Variants in PRKG1 observed in about 807,000 individuals in gnomAD.
The protein encoded by PRKG1 is protein kinase cGMP-dependent 1.
Under a neutral mutation model 88.1 loss-of-function variants are expected in PRKG1, and 35 were observed. The observed-to-expected ratio is 0.40, with a 90% CI of 0.30 to 0.53. The LOEUF is 0.53. Ranked by LOEUF, PRKG1 falls within the 20% of genes least tolerant of loss-of-function variation. The pLI, the probability that PRKG1 is intolerant of heterozygous loss-of-function variation, is 0.59. For missense variants in PRKG1, 540 were observed against 839.8 expected (o/e 0.64, Z 4.41); for synonymous variants, 303 against 292.5 (o/e 1.04, Z -0.37).
chr10:51,385,207 C>T (rs1275966989), intron 2 of PRKG1, among the ~76,000 whole-genome samples: 2 of 152,118 alleles, frequency 1.3e-5, no homozygotes, highest in Non-Finnish European at 2.9e-5. Flanking sequence ...TAATGGTGCT[C>T]TGGTTGACAA....
intron 1 of PRKG1, among the ~76,000 whole-genome samples, chr10:51,056,977 C>A (rs1843632941): frequency 6.6e-6 from 1 of 152,160 alleles, no homozygotes; most frequent in Non-Finnish European, 1.5e-5. Flanking sequence ...GTTCTTAAGA[C>A]ATATTTCTAC....
At chr10:51,843,720 G>A (rs1323802297) in intron 4 of PRKG1, among the ~76,000 whole-genome samples, 1 of 152,064 alleles carries the variant, frequency 6.6e-6, no homozygotes, top group Non-Finnish European at 1.5e-5. Context: ...CTTAACTTGT[G>A]ATCCTACTTG....
At chr10:51,434,172 AGAGT>A (rs1288317487) in intron 2 of PRKG1, among the ~76,000 whole-genome samples, 1 of 152,072 alleles carries the variant, frequency 6.6e-6, no homozygotes, top group African/African-American at 2.4e-5. Flanking sequence ...CAGCCATAGC[AGAGT>A]GTGTTTTTGG....
intron 1 of PRKG1, among the ~76,000 whole-genome samples, chr10:51,144,230 G>C (rs917307141): frequency 1.3e-5 from 2 of 151,978 alleles, no homozygotes; most frequent in African/African-American, 4.8e-5. Context: ...TAAATGAGTG[G>C]AACATTTGCT....
intron 2 of PRKG1, among the ~76,000 whole-genome samples, chr10:51,181,977 G>A (rs939689551): frequency 6.6e-6 from 1 of 152,176 alleles, no homozygotes; most frequent in African/African-American, 2.4e-5. Context: ...TGCACAGTTG[G>A]AACAACATTT....
In PRKG1 at chr10:51,958,527, A is replaced by T. The variant is rs1843367972; in HGVS notation, c.762+50957A>T. The stretch of plus-strand genomic sequence containing the variant: ...ATGATCTTCAAGTATTTCAAGGAAT[A>T]GGTCGTCCATTGTTGTTCCTTTTTT... On this transcript the variant is annotated intron_variant, in intron 5 of 17. Transcript: ENST00000373980. Among the ~76,000 whole-genome samples, 4 of 141,634 alleles carry T rather than the reference A, an allele frequency of 2.8e-5. 1 individual carries two copies. The South Asian group carries it at 9.4e-4, about 33-fold the overall frequency. 92.9% of individuals were successfully genotyped at this position (141,634 alleles called of 152,430 possible).
intron 2 of PRKG1, among the ~76,000 whole-genome samples, chr10:51,325,952 A>G (rs1841581638): frequency 6.6e-6 from 1 of 152,148 alleles, no homozygotes; most frequent in African/African-American, 2.4e-5. Context: ...TGGTTTTAGA[A>G]AAGAGAGGGA....
chr10:52,166,880 T>TACAC (rs143459696), intron 9 of PRKG1, among the ~76,000 whole-genome samples: 5,574 of 121,828 alleles, frequency 0.046, 132 homozygotes, highest in Non-Finnish European at 0.054. Flanking sequence ...TGTGTATGTA[T>TACAC]ACACACACAC....
chr10:51,937,450 A>G lies in PRKG1; in HGVS notation c.762+29880A>G, dbSNP rs76950774. Among the ~76,000 whole-genome samples, 650 of 152,138 alleles carry G rather than the reference A, an allele frequency of 4.3e-3. 6 individuals are homozygous for G. Among genetic ancestry groups the G allele is most frequent in the African/African-American group, 0.015 (620 of 41,546 alleles). ...GCTCTCAGAAAGAGCATATTGAAAC[A>G]GGCCATGGTTTGTAAATCTTGGCAG... On this transcript the variant is annotated intron_variant, in intron 5 of 17. Transcript: ENST00000373980.
intron 1 of PRKG1, among the ~76,000 whole-genome samples, chr10:51,041,795 T>C (rs1843427783): frequency 6.6e-6 from 1 of 152,206 alleles, no homozygotes. Context: ...TGAGGAGTGG[T>C]GTAACCTATC....
At chr10:51,955,813 T>A (rs1424952239) in intron 5 of PRKG1, among the ~76,000 whole-genome samples, 2 of 152,148 alleles carry the variant, frequency 1.3e-5, no homozygotes, top group African/African-American at 4.8e-5. Context: ...TTTTTGTTTG[T>A]TTGTTTTCTT....
chr10:52,269,086 CTG>C (rs1324430385), intron 10 of PRKG1, among the ~76,000 whole-genome samples: 2 of 151,872 alleles, frequency 1.3e-5, no homozygotes, highest in African/African-American at 2.4e-5. Context: ...ATCTGTGTAT[CTG>C]TGTTATCATC....
chr10:52,168,919 CA>C (rs1328419326), intron 9 of PRKG1, among the ~76,000 whole-genome samples: 1 of 152,060 alleles, frequency 6.6e-6, no homozygotes, highest in Non-Finnish European at 1.5e-5. Context: ...GATTTTTTGA[CA>C]GTTTAAATGA....
At chr10:51,368,741 T>C (rs1842640240) in intron 2 of PRKG1, among the ~76,000 whole-genome samples, 2 of 152,040 alleles carry the variant, frequency 1.3e-5, no homozygotes. Flanking sequence ...GAAAACAATA[T>C]GTATCAGAAA....
chr10:51,804,324 G>T (rs746657678), intron 3 of PRKG1, among the ~76,000 whole-genome samples: 1 of 151,988 alleles, frequency 6.6e-6, no homozygotes, highest in African/African-American at 2.4e-5. Flanking sequence ...ACCCCCAAGG[G>T]TCATAGAGCA....
rs111417107 is a variant in PRKG1, at chr10:50,991,227, A to G, written c.-152A>G. 0.013 allele frequency: 15,212 copies of G among 1,162,506 alleles called. 239 individuals are homozygous for G. Among genetic ancestry groups the G allele is most frequent in the African/African-American group, 0.042 (2,476 of 59,448 alleles). 72.0% of individuals were successfully genotyped at this position (1,162,506 alleles called of 1,614,324 possible). On this transcript the variant is annotated 5_prime_UTR_variant, in exon 1 of 18. Coordinates refer to the PRKG1 transcript ENST00000401604. This position sits in a 1 kb window ranked among gnomAD's most constrained non-coding sequence, Gnocchi z 4.5. ...CGAAGCAGGAGGCTCCCCGCGCCGC[A>G]TTAGGGGCGCACTCCGCCGCGCTCG... is the stretch of plus-strand genomic sequence containing the variant.
chr10:51,753,865 G>A (rs962762039), intron 3 of PRKG1, among the ~76,000 whole-genome samples: 2 of 152,032 alleles, frequency 1.3e-5, no homozygotes, highest in African/African-American at 4.8e-5. Flanking sequence ...GCATGATAAG[G>A]TCTCTTTTTC....
At chr10:51,840,271 A>AT (rs371466058) in intron 4 of PRKG1, among the ~76,000 whole-genome samples, 123 of 149,764 alleles carry the variant, frequency 8.2e-4, no homozygotes, top group African/African-American at 2.8e-3. Context: ...AAGCTATTTG[A>AT]TTTTTTTTTT....
intron 2 of PRKG1, among the ~76,000 whole-genome samples, chr10:51,251,250 C>T (rs1009752534): frequency 6.6e-6 from 1 of 151,782 alleles, no homozygotes. Flanking sequence ...TTGGCAAGGA[C>T]ATCTGCAAGT....
Sources: allele counts gnomAD v4.1 joint callset (sites outside exome capture counted in the v4.1 genomes callset), GRCh38; gene constraint gnomAD v4.1.1; non-coding constraint Gnocchi (gnomAD v3.1); transcripts MANE v1.5; gene names NCBI Gene and HGNC (gene_info 2026-07-23, HGNC 2026-07-21).